The following ELOA variants were observed in gnomAD, a reference collection of about 807,000 sequenced individuals.
ELOA encodes elongin A.
A neutral mutation model predicts 85.2 loss-of-function variants in ELOA; 15 were observed. That is an observed-to-expected ratio of 0.18 (90% CI 0.12 to 0.27). ELOA has a LOEUF of 0.27. ELOA is among the 10% of genes least tolerant of loss of function. ELOA has a pLI of 1.00. For synonymous variants in ELOA, 348 were observed against 357.2 expected (o/e 0.97, Z 0.29); for missense variants, 769 against 952.7 (o/e 0.81, Z 2.54).
At chr1:23,744,434 G>C (rs1644737830) in intron 1 of ELOA, among the ~76,000 whole-genome samples, 1 of 151,820 alleles carries the variant, frequency 6.6e-6, no homozygotes, top group East Asian at 1.9e-4. Flanking sequence ...GAGACAGTCT[G>C]GTGGTTGTCA....
rs372609163 is a variant in ELOA at position 23,750,852 on chromosome 1, G to A, written c.247G>A (p.Glu83Lys). 8 of 1,575,726 alleles carry A rather than the reference G, an allele frequency of 5.1e-6. No individual in the cohort carries two copies. Among genetic ancestry groups the A allele is most frequent in the Non-Finnish European group, 6.0e-6 (7 of 1,165,518 alleles). The change falls in exon 4 of 11, where the codon GAG becomes AAG. Residue 83 changes from glutamate to lysine, a missense_variant. Physicochemically the swap from Glu to Lys is moderately conservative, Grantham distance 56. Coordinates refer to ENST00000613537, the MANE Select transcript of ELOA (RefSeq NM_003198.3). ...CTTTTTCTTTTATTTTAGAAATGCT[G>A]AGCCTGATGAACAGGACTTTGAGAA... ...KKLVPVERNA[E>K]PDEQDFEKSN... is the part of the protein sequence containing the mutation.
In ELOA at chr1:23,751,237, G is replaced by C; in HGVS notation, c.632G>C (p.Gly211Ala). 6.2e-7 allele frequency: 1 copy of C among 1,614,198 alleles called. No individual in the cohort carries two copies. The highest frequency in any genetic ancestry group is 8.5e-7 in the Non-Finnish European group (1 of 1,180,036). Residue 211 changes from glycine to alanine, a missense_variant, in exon 4 of 11, where the codon GGG (glycine) becomes GCG (alanine). Physicochemically the swap from Gly to Ala is moderately conservative, Grantham distance 60. Transcript: ENST00000613537. ...CCCATTGTTTCACACCAGAAGCCTGGGAAAGGCCACAGCAATGCCTTTCAG... is the reference window on the plus strand; with the variant it reads ...CCCATTGTTTCACACCAGAAGCCTGCGAAAGGCCACAGCAATGCCTTTCAG... ...QEPIVSHQKP[G>A]KGHSNAFQDR...
chr1:23,749,937 T>C lies in ELOA; in HGVS notation c.228T>C (p.Val76=), dbSNP rs779220883. The C allele has an allele frequency of 3.7e-6, 6 of 1,613,626 alleles. No individual in the cohort carries two copies. In the African/African-American group the frequency reaches 6.7e-5, roughly 18 times the overall value. Residue 76 remains valine (V), a synonymous_variant, in exon 3 of 11, where the codon GTT becomes GTC. Coordinates refer to ENST00000613537, the MANE Select transcript of ELOA (RefSeq NM_003198.3). ...RDLVAQWKKL[V]PVERNAEPDE... is the part of the protein sequence containing the mutation. Reference sequence around the variant, plus strand: ...TAGTGGCCCAGTGGAAGAAGCTGGTTCCTGTGGAACGGTAAGAACATTTCT... The same window carrying C: ...TAGTGGCCCAGTGGAAGAAGCTGGTCCCTGTGGAACGGTAAGAACATTTCT...
intron 1 of ELOA, among the ~76,000 whole-genome samples, chr1:23,745,277 C>G (rs1644741186): frequency 6.6e-6 from 1 of 152,168 alleles, no homozygotes; most frequent in Non-Finnish European, 1.5e-5. Context: ...GTTTGTTTTC[C>G]TGAACACTGT....
rs1433527408 is a variant in ELOA, at chr1:23,749,085, CTG to C, written c.132+13_132+14del. The C allele has an allele frequency of 1.9e-6, 3 of 1,606,728 alleles. No homozygotes were observed. The highest frequency in any genetic ancestry group is 2.2e-5 in the South Asian group (2 of 90,912). ...ACAGTAGACATTCTTGCGGTAAGAA[CTG>C]TGTGACTTTAAATATTATATAATGA... On this transcript the variant is annotated intron_variant, in intron 2 of 10. Coordinates refer to ENST00000613537, the MANE Select transcript of ELOA (RefSeq NM_003198.3).
chr1:23,753,914 G>A (rs1644783487), intron 5 of ELOA, among the ~76,000 whole-genome samples, 186 bp from the exon 6 acceptor site: 1 of 152,108 alleles, frequency 6.6e-6, no homozygotes, highest in African/African-American at 2.4e-5. Context: ...GACCTCAGAT[G>A]ATTCATGTGC....
intron 3 of ELOA, among the ~76,000 whole-genome samples, chr1:23,750,218 C>G (rs1266845458): frequency 2.9e-5 from 4 of 137,300 alleles, no homozygotes; most frequent in Non-Finnish European, 1.5e-5. Flanking sequence ...CTCTGTTGCC[C>G]AGGCTGGAGT....
chr1:23,747,738 T>C (rs1237143273), intron 1 of ELOA, among the ~76,000 whole-genome samples: 1 of 152,200 alleles, frequency 6.6e-6, no homozygotes, highest in East Asian at 1.9e-4. Context: ...TCCCTAGATA[T>C]GCCACTTGGC....
chr1:23,754,038 G>A (rs976607513), intron 5 of ELOA, 62 bp from the exon 6 acceptor site: 5 of 1,574,452 alleles, frequency 3.2e-6, no homozygotes, highest in South Asian at 1.2e-5. Context: ...GAGGCTGAAG[G>A]GGGTAGAAGG....
At chr1:23,758,706 C>G (rs566079278) in intron 10 of ELOA, among the ~76,000 whole-genome samples, 1 of 151,444 alleles carries the variant, frequency 6.6e-6, no homozygotes, top group Non-Finnish European at 1.5e-5. Flanking sequence ...AATTGCAGGG[C>G]CCATGGGAGG....
Position 23,751,476 on chromosome 1 carries a change from G to A in ELOA, c.871G>A (p.Glu291Lys). ...GCCACCCTCAGGGGACAATGCAAGG[G>A]AGAAACCGCCCTCTAGTGGCGTAAA... ...RRPPSGDNAR[E>K]KPPSSGVKKE... The change falls in exon 4 of 11, where the codon GAG becomes AAG. Residue 291 changes from glutamate to lysine, a missense_variant. This residue lies in a region of ELOA where 440 missense variants were observed against 474.0 expected (regional missense o/e 0.93). Coordinates refer to ENST00000613537, the MANE Select transcript of ELOA (RefSeq NM_003198.3). 1 of 1,614,054 alleles carries A rather than the reference G, an allele frequency of 6.2e-7. No homozygotes were observed. The highest frequency in any genetic ancestry group is 8.5e-7 in the Non-Finnish European group (1 of 1,180,032).
At chr1:23,746,193 GC>G (rs1644745551) in intron 1 of ELOA, among the ~76,000 whole-genome samples, 1 of 149,874 alleles carries the variant, frequency 6.7e-6, no homozygotes, top group Non-Finnish European at 1.5e-5. Flanking sequence ...GGAGGCTGAG[GC>G]AGGAGAACAC....
chr1:23,754,478 G>T lies in ELOA; in HGVS notation c.1791+18G>T, dbSNP rs778808370. 2 of 1,606,188 alleles carry T rather than the reference G, an allele frequency of 1.2e-6. No individual in the cohort carries two copies. The highest frequency in any genetic ancestry group is 1.7e-6 in the Non-Finnish European group (2 of 1,172,890). ...ACAATCATGTGAGTATTCTGTTTGG[G>T]TGGGAAGAGGGCAGTTTTCTGGCTT... On this transcript the variant is annotated intron_variant, in intron 7 of 10. Coordinates refer to ENST00000613537, the MANE Select transcript of ELOA (RefSeq NM_003198.3).
In ELOA at chr1:23,761,145, A is replaced by AG. The variant is rs1238475173; in HGVS notation, c.*1575dup. 1 of 152,206 alleles carries AG rather than the reference A, an allele frequency of 6.6e-6. No homozygotes were observed. The highest frequency in any genetic ancestry group is 2.4e-5 in the African/African-American group (1 of 41,454). The allele number at this position is 152,206 out of a possible 1,614,324, so 9.4% of individuals were successfully genotyped here. On this transcript the variant is annotated 3_prime_UTR_variant, in exon 11 of 11. Transcript: ENST00000613537. ...CATTGTTCAGTGTGTATTGCTGTGCAGGGTGCCTATTGTGACAGGACACAA... is the reference window on the plus strand; with the variant it reads ...CATTGTTCAGTGTGTATTGCTGTGCAGGGGTGCCTATTGTGACAGGACACAA...
rs1638275655 is a variant in ELOA at position 23,760,310 on chromosome 1, T to G, written c.*737T>G. 1 of 152,046 alleles carries G rather than the reference T, an allele frequency of 6.6e-6. No homozygotes were observed. Among genetic ancestry groups the G allele is most frequent in the Non-Finnish European group, 1.5e-5 (1 of 67,992 alleles). 9.4% of individuals were successfully genotyped at this position (152,046 alleles called of 1,614,324 possible). A position where few individuals can be genotyped will look rare whatever the true frequency, so the allele number is the denominator to read the frequency against. ...TGCGAGTCCCCACCTTTTTGTTTTT[T>G]TTTTTTTCTTTGAGGCTCACTAGAG... On this transcript the variant is annotated 3_prime_UTR_variant, in exon 11 of 11. Coordinates refer to ENST00000613537, the MANE Select transcript of ELOA (RefSeq NM_003198.3).
chr1:23,760,032 G>A lies in ELOA; in HGVS notation c.*459G>A, dbSNP rs1638268109. ...CTCCTGCCCCAGCTCAGCTCTGTGTGGACTCTGGTCCAGACAGAGGACTGG... is the reference window on the plus strand; with the variant it reads ...CTCCTGCCCCAGCTCAGCTCTGTGTAGACTCTGGTCCAGACAGAGGACTGG... On this transcript the variant is annotated 3_prime_UTR_variant, in exon 11 of 11. Transcript: ENST00000613537. The A allele has an allele frequency of 2.7e-5, 5 of 185,002 alleles. No individual in the cohort carries two copies. In the South Asian group the frequency reaches 5.3e-4, roughly 20 times the overall value. The allele number at this position is 185,002 out of a possible 1,614,324, so 11.5% of individuals were successfully genotyped here.
In ELOA at chr1:23,743,524, C is replaced by T; in HGVS notation, c.21C>T (p.Leu7=). The stretch of plus-strand genomic sequence containing the variant: ...CAGCGATGGCGGCGGAGTCGGCGCT[C>T]CAAGTTGTGGAGAAGCTGCAGGCGC... MAAESA[L]QVVEKLQARL... Residue 7 remains leucine, a synonymous_variant, in exon 1 of 11, where the codon CTC becomes CTT. Coordinates refer to ENST00000613537, the MANE Select transcript of ELOA (RefSeq NM_003198.3). The T allele has an allele frequency of 6.7e-7, 1 of 1,502,936 alleles. No individual in the cohort carries two copies. The highest frequency in any genetic ancestry group is 2.8e-5 in the East Asian group (1 of 35,698). 93.1% of individuals were successfully genotyped at this position (1,502,936 alleles called of 1,614,324 possible).
At chr1:23,748,041 G>A (rs1219989862) in intron 1 of ELOA, among the ~76,000 whole-genome samples, 1 of 152,194 alleles carries the variant, frequency 6.6e-6, no homozygotes, top group African/African-American at 2.4e-5. Flanking sequence ...GAAAGGTTTG[G>A]CCAGTCATAA....
chr1:23,752,321 C>T lies in ELOA; in HGVS notation c.1426-86C>T. The T allele has an allele frequency of 3.1e-6, 4 of 1,309,060 alleles. No homozygotes were observed. The South Asian group carries it at 5.2e-5, about 17-fold the overall frequency. The allele number at this position is 1,309,060 out of a possible 1,614,324, so 81.1% of individuals were successfully genotyped here. A position where few individuals can be genotyped will look rare whatever the true frequency, so the allele number is the denominator to read the frequency against. ...CCTGGATCTTCCTGTGCAAGATGTC[C>T]AGTTAATGCTCCCGGGAATAGACTG... On this transcript the variant is annotated intron_variant, in intron 4 of 10. Coordinates refer to ENST00000613537, the MANE Select transcript of ELOA (RefSeq NM_003198.3).
Sources: allele counts gnomAD v4.1 joint callset (sites outside exome capture counted in the v4.1 genomes callset), GRCh38; gene constraint gnomAD v4.1.1; regional missense constraint gnomAD v4.1.1; transcripts MANE v1.5; gene names NCBI Gene and HGNC (gene_info 2026-07-23, HGNC 2026-07-21).